The following COL4A5 variants were observed in gnomAD, a reference collection of about 807,000 sequenced individuals.
COL4A5 encodes the protein collagen alpha-5(IV) chain.
A neutral mutation model predicts 130.2 loss-of-function variants in COL4A5; 26 were observed. The observed-to-expected ratio is 0.20, with a 90% CI of 0.15 to 0.28. COL4A5 has a LOEUF of 0.28. Ranked by LOEUF, COL4A5 falls within the 10% of genes least tolerant of loss-of-function variation. The pLI is 1.00. For synonymous variants in COL4A5, 496 were observed against 439.6 expected, an observed-to-expected ratio of 1.13 and a Z score of -1.60; for missense variants, 1,131 against 1,344.3, an observed-to-expected ratio of 0.84 and a Z score of 2.48.
At chrX:108,581,178 T>A in intron 16 of COL4A5, 151 bp downstream of exon 16, 1 of 530,593 alleles carries the variant, frequency 1.9e-6, no homozygotes, top group Non-Finnish European at 3.1e-6. Flanking sequence ...CTTTTGAATA[T>A]AATTTTCAAT....
intron 1 of COL4A5, among the ~76,000 whole-genome samples, chrX:108,521,304 CT>C (rs1405365046): frequency 9.0e-6 from 1 of 110,820 alleles, no homozygotes; most frequent in Admixed American, 9.7e-5. Flanking sequence ...TCTTTCATGT[CT>C]CTGTACATCC....
chrX:108,554,491 A>T (rs1368284435), intron 2 of COL4A5, among the ~76,000 whole-genome samples: 9 of 111,240 alleles, frequency 8.1e-5, no homozygotes, highest in Non-Finnish European at 1.1e-4. Context: ...ACACTTGGGG[A>T]TTATGTGGTA....
In COL4A5 at chrX:108,591,612, A is replaced by T; in HGVS notation, c.1391A>T (p.Asp464Val). ...CCAGGCCCCCCAGGATCTCCAGGTG[A>T]TAAAGGACTCCAAGGAGAACAAGGA... ...GPPGPPGSPGDKGLQGEQGVK... is the reference protein window; with the variant it reads ...GPPGPPGSPGVKGLQGEQGVK... The change falls in exon 21 of 53, where the codon GAT becomes GTT. Residue 464 changes from aspartate to valine, a missense_variant. By Grantham distance (152) the Asp-to-Val change is radical (BLOSUM62 -3). Transcript: ENST00000328300. 1 of 1,207,114 alleles carries T rather than the reference A, an allele frequency of 8.3e-7. No individual in the cohort carries two copies. Among genetic ancestry groups the T allele is most frequent in the East Asian group, 3.0e-5 (1 of 33,808 alleles).
chrX:108,653,525 C>T (rs1051026233), intron 36 of COL4A5, among the ~76,000 whole-genome samples: 1 of 110,859 alleles, frequency 9.0e-6, no homozygotes, highest in Non-Finnish European at 1.9e-5. Flanking sequence ...CACAAAATGG[C>T]GTGCAATTAA....
At chrX:108,577,389 A>AAAG (rs2066170810) in intron 10 of COL4A5, among the ~76,000 whole-genome samples, 1 of 106,521 alleles carries the variant, frequency 9.4e-6, no homozygotes, top group Admixed American at 1.0e-4. Flanking sequence ...AAAAAAAAAA[A>AAAG]AAAGAAAGAA....
At chrX:108,447,247 C>G (rs960750292) in intron 1 of COL4A5, among the ~76,000 whole-genome samples, 12 of 111,482 alleles carry the variant, frequency 1.1e-4, no homozygotes, top group African/African-American at 3.9e-4. Flanking sequence ...TCAGAAACTT[C>G]CCTTCATTAA....
intron 1 of COL4A5, among the ~76,000 whole-genome samples, chrX:108,480,129 C>T (rs2064874458): frequency 8.9e-6 from 1 of 111,823 alleles, no homozygotes; most frequent in African/African-American, 3.3e-5. Context: ...AACTGGCAGC[C>T]TTTCGGGTCA....
At chrX:108,696,159 T>C (rs1172335816) in intron 52 of COL4A5, 138 bp from the exon 53 acceptor site, 1 of 534,488 alleles carries the variant, frequency 1.9e-6, no homozygotes, top group Middle Eastern at 4.5e-4. Flanking sequence ...CATTAGATCA[T>C]ATTGCTGAAA....
chrX:108,449,360 T>A (rs1201523772), intron 1 of COL4A5, among the ~76,000 whole-genome samples: 1 of 112,125 alleles, frequency 8.9e-6, no homozygotes, highest in Non-Finnish European at 1.9e-5. Flanking sequence ...TGTGATATAT[T>A]ACTTATCTAG....
intron 9 of COL4A5, 108 bp from the exon 10 acceptor site, chrX:108,575,802 A>C: frequency 1.8e-6 from 1 of 549,824 alleles, no homozygotes; most frequent in South Asian, 2.5e-5. Context: ...ATGCCATTGC[A>C]CTCCAGCCTG....
At chrX:108,529,673 G>A (rs1196882792) in intron 1 of COL4A5, among the ~76,000 whole-genome samples, 1 of 110,326 alleles carries the variant, frequency 9.1e-6, no homozygotes, top group Non-Finnish European at 1.9e-5. Context: ...CACCCTAACA[G>A]TAAAGACACA....
chrX:108,542,399 T>C (rs1178919291), intron 2 of COL4A5, among the ~76,000 whole-genome samples: 1 of 110,357 alleles, frequency 9.1e-6, no homozygotes, highest in African/African-American at 3.3e-5. Context: ...AGAATGATGG[T>C]TTCCAGCTTC....
intron 16 of COL4A5, 189 bp from the exon 17 acceptor site, chrX:108,582,695 C>CTTTTT: frequency 8.1e-6 from 2 of 248,202 alleles, no homozygotes; most frequent in East Asian, 7.5e-5. Context: ...CAAGATTCAG[C>CTTTTT]TTTTTTTTTT....
At chrX:108,456,249 A>G (rs945561879) in intron 1 of COL4A5, among the ~76,000 whole-genome samples, 3 of 111,423 alleles carry the variant, frequency 2.7e-5, no homozygotes, top group Non-Finnish European at 5.7e-5. Flanking sequence ...TGTTGCTAAG[A>G]TGTAGAGATG....
chrX:108,554,314 CG>C (rs1405280716), intron 2 of COL4A5, among the ~76,000 whole-genome samples: 5 of 111,483 alleles, frequency 4.5e-5, no homozygotes, highest in Non-Finnish European at 9.4e-5. Context: ...TTAGGGGAAG[CG>C]GGCACCTTCT....
At chrX:108,591,360 G>T in intron 20 of COL4A5, 129 bp downstream of exon 20, 1 of 718,386 alleles carries the variant, frequency 1.4e-6, no homozygotes, top group Non-Finnish European at 2.1e-6. Flanking sequence ...CACTGCTTCT[G>T]CTTTTTGGGT....
intron 42 of COL4A5, 119 bp from the exon 43 acceptor site, chrX:108,674,626 T>C (rs1302752676): frequency 4.3e-6 from 3 of 704,814 alleles, no homozygotes; most frequent in Admixed American, 3.0e-5. Context: ...AAGAACATTA[T>C]TGTTTTAACT....
chrX:108,590,288 G>A (rs1305264350), intron 19 of COL4A5, among the ~76,000 whole-genome samples: 1 of 110,892 alleles, frequency 9.0e-6, no homozygotes, highest in African/African-American at 3.3e-5. Context: ...CTCTTCACCA[G>A]CAAACGTACA....
chrX:108,607,225 G>T lies in COL4A5; in HGVS notation c.2395+333G>T, dbSNP rs765542715. On this transcript the variant is annotated intron_variant, in intron 29 of 52. Coordinates refer to ENST00000328300, the MANE Select transcript of COL4A5 (RefSeq NM_033380.3). ...CTACCAAAAATAGAAAAATTAGCCG[G>T]GCATGGTGGCACATGTTTGTAATCC... Among the ~76,000 whole-genome samples the T allele has an allele frequency of 4.3e-3, 471 of 108,357 alleles. 3 individuals are homozygous for T. The highest frequency in any genetic ancestry group is 6.5e-3 in the Non-Finnish European group (339 of 52,236). 94.1% of individuals were successfully genotyped at this position (108,357 alleles called of 115,157 possible).
Sources: allele counts gnomAD v4.1 joint callset (sites outside exome capture counted in the v4.1 genomes callset), GRCh38; gene constraint gnomAD v4.1.1; transcripts MANE v1.5; gene names NCBI Gene and HGNC (gene_info 2026-07-23, HGNC 2026-07-21).